The following PDE4D variants were observed in gnomAD, a reference collection of about 807,000 sequenced individuals.
PDE4D encodes the protein 3',5'-cyclic-AMP phosphodiesterase 4D.
PDE4D carries 24 observed loss-of-function variants against 87.4 expected under a neutral mutation model. That is an observed-to-expected ratio of 0.27 (90% CI 0.20 to 0.39). The LOEUF is 0.39. Among genes scored for constraint, PDE4D ranks in the 10% least tolerant of loss-of-function variants. The pLI, the probability that PDE4D is intolerant of heterozygous loss-of-function variation, is 1.00. For missense variants in PDE4D, 714 were observed against 1,041.0 expected (o/e 0.69, Z 4.32); for synonymous variants, 384 against 383.2 (o/e 1.00, Z -0.02).
chr5:59,368,619 T>C (rs566046840), intron 1 of PDE4D, among the ~76,000 whole-genome samples: 2 of 152,318 alleles, frequency 1.3e-5, no homozygotes, highest in East Asian at 3.9e-4. Flanking sequence ...AAAAACCAAA[T>C]TTTGGATACT....
At chr5:60,223,632 G>T (rs921326841) in intron 1 of PDE4D, among the ~76,000 whole-genome samples, 1 of 152,022 alleles carries the variant, frequency 6.6e-6, no homozygotes, top group Non-Finnish European at 1.5e-5. Context: ...GATCACAACC[G>T]AAAAACCATT....
At chr5:60,168,779 G>A (rs1271491270) in intron 2 of PDE4D, among the ~76,000 whole-genome samples, 4 of 152,084 alleles carry the variant, frequency 2.6e-5, no homozygotes, top group Non-Finnish European at 5.9e-5. Context: ...GCTTACTACA[G>A]ATGATTAAAA....
At chr5:60,235,252 A>G (rs1017937195) in intron 1 of PDE4D, among the ~76,000 whole-genome samples, 3 of 151,876 alleles carry the variant, frequency 2.0e-5, no homozygotes, top group Non-Finnish European at 4.4e-5. Flanking sequence ...TCTTATTTAT[A>G]TTTCAGACTT....
At chr5:59,964,860 G>A (rs1759844251) in intron 3 of PDE4D, among the ~76,000 whole-genome samples, 1 of 152,056 alleles carries the variant, frequency 6.6e-6, no homozygotes, top group South Asian at 2.1e-4. Context: ...TCTGTATCCT[G>A]TGTACCTCGT....
chr5:59,451,814 C>T (rs1799199757), intron 1 of PDE4D, among the ~76,000 whole-genome samples: 8 of 152,332 alleles, frequency 5.3e-5, no homozygotes, highest in Admixed American at 5.2e-4. Context: ...CTTTAAAAAA[C>T]ACAAATGCCC....
At chr5:60,511,082 G>A (rs1353598606) in intron 1 of PDE4D, among the ~76,000 whole-genome samples, 2 of 152,086 alleles carry the variant, frequency 1.3e-5, no homozygotes, top group Non-Finnish European at 2.9e-5. Context: ...CAATTCTCCT[G>A]CCTCAACCTC....
At chr5:59,262,608 T>C (rs1438419360) in intron 1 of PDE4D, among the ~76,000 whole-genome samples, 1 of 151,868 alleles carries the variant, frequency 6.6e-6, no homozygotes, top group Non-Finnish European at 1.5e-5. Context: ...GTGTTAGGGC[T>C]CCAGGACAAG....
chr5:59,773,435 A>C (rs1260867601), intron 1 of PDE4D, among the ~76,000 whole-genome samples: 1 of 152,158 alleles, frequency 6.6e-6, no homozygotes, highest in Admixed American at 6.5e-5. Context: ...TGAGTTCTTG[A>C]TCTAGTTAAC....
intron 6 of PDE4D, among the ~76,000 whole-genome samples, chr5:59,020,336 G>A (rs956899994): frequency 1.3e-5 from 2 of 151,998 alleles, no homozygotes; most frequent in African/African-American, 2.4e-5. Context: ...ACAGCTGGGC[G>A]TGGTCATGCA....
At chr5:59,824,543 A>G (rs1251932272) in intron 1 of PDE4D, among the ~76,000 whole-genome samples, 6 of 152,240 alleles carry the variant, frequency 3.9e-5, no homozygotes, top group Admixed American at 2.0e-4. Context: ...TGAGATCACA[A>G]TGGAATTCTT....
intron 3 of PDE4D, among the ~76,000 whole-genome samples, chr5:59,959,445 A>G (rs1252825554): frequency 6.6e-6 from 1 of 152,182 alleles, no homozygotes. Flanking sequence ...CAGAGGCATC[A>G]CCTGACTTCA....
chr5:59,920,918 T>G lies in PDE4D; in HGVS notation c.272+67570A>C, dbSNP rs112931617. ...CATTAGGAGATATACCTAATGTAAA[T>G]GACGAGTTAATGGGTGCAGTAAACC... On this transcript the variant is annotated intron_variant, in intron 3 of 16. Transcript: ENST00000502484. Among the ~76,000 whole-genome samples, 1,182 of 151,842 alleles carry G rather than the reference T, an allele frequency of 7.8e-3. 12 individuals carry two copies. Among genetic ancestry groups the G allele is most frequent in the African/African-American group, 0.028 (1,147 of 41,380 alleles).
At chr5:60,410,873 G>A (rs910797798) in intron 1 of PDE4D, among the ~76,000 whole-genome samples, 2 of 152,190 alleles carry the variant, frequency 1.3e-5, no homozygotes, top group African/African-American at 4.8e-5. Context: ...AAAACATAAG[G>A]CACTTGCCAT....
At chr5:60,266,149 G>A (rs1390367392) in intron 1 of PDE4D, among the ~76,000 whole-genome samples, 1 of 152,026 alleles carries the variant, frequency 6.6e-6, no homozygotes, top group Non-Finnish European at 1.5e-5. Flanking sequence ...CACTCAAACA[G>A]GCAGCCAAAT....
At chr5:60,517,029 C>G (rs868121947) in intron 1 of PDE4D, among the ~76,000 whole-genome samples, 10 of 152,312 alleles carry the variant, frequency 6.6e-5, no homozygotes, top group Middle Eastern at 6.8e-3. Flanking sequence ...CCCCTACCCC[C>G]ACAGGCTCAG....
At chr5:59,783,049 G>T (rs572257875) in intron 1 of PDE4D, among the ~76,000 whole-genome samples, 2 of 152,050 alleles carry the variant, frequency 1.3e-5, no homozygotes, top group Non-Finnish European at 1.5e-5. Flanking sequence ...CCATCCAAAG[G>T]ACTATAACTC....
chr5:59,715,690 C>T (rs77133173), intron 1 of PDE4D, among the ~76,000 whole-genome samples: 4,625 of 152,284 alleles, frequency 0.03, 234 homozygotes, highest in African/African-American at 0.11. Flanking sequence ...GGCCATGTGG[C>T]AAGACCTATG....
chr5:59,356,782 C>G, intron 1 of PDE4D: 3 of 1,567,600 alleles, frequency 1.9e-6, no homozygotes, highest in Non-Finnish European at 2.6e-6. Flanking sequence ...GAAACGCAAT[C>G]TTGATTTGGC....
chr5:60,183,726 T>C (rs1054956256), intron 2 of PDE4D, among the ~76,000 whole-genome samples: 2 of 152,226 alleles, frequency 1.3e-5, no homozygotes, highest in Non-Finnish European at 2.9e-5. Context: ...CTTTAAACTT[T>C]CTTCATCAAA....
Sources: allele counts gnomAD v4.1 joint callset (sites outside exome capture counted in the v4.1 genomes callset), GRCh38; gene constraint gnomAD v4.1.1; transcripts MANE v1.5; gene names NCBI Gene and HGNC (gene_info 2026-07-23, HGNC 2026-07-21).